EPB41L4A: variants seen among roughly 807,000 people sequenced by gnomAD.
EPB41L4A encodes the protein band 4.1-like protein 4A.
Under a neutral mutation model 108.6 loss-of-function variants are expected in EPB41L4A, and 100 were observed. The ratio of observed to expected loss-of-function variants is 0.92; its 90% CI spans 0.78 to 1.09. The LOEUF (loss-of-function observed/expected upper bound fraction) is 1.09, where lower values mean the gene tolerates loss of function less well. Ranked by LOEUF, EPB41L4A falls within the 50% of genes least tolerant of loss-of-function variation. The pLI is 0.00. For synonymous variants in EPB41L4A, 319 were observed against 289.0 expected (o/e 1.10, Z -1.05); for missense variants, 1,030 against 842.7 (o/e 1.22, Z -2.75).
chr5:112,256,795 T>C (rs967651084), intron 9 of EPB41L4A: 6 of 152,184 alleles, frequency 3.9e-5, no homozygotes, highest in Non-Finnish European at 7.4e-5. Flanking sequence ...AGCAACTGTA[T>C]CAAAATATTA....
At chr5:112,255,741 T>C (rs1751038644) in intron 9 of EPB41L4A, among the ~76,000 whole-genome samples, 1 of 152,184 alleles carries the variant, frequency 6.6e-6, no homozygotes, top group African/African-American at 2.4e-5. Flanking sequence ...GCCAATTTTA[T>C]ATATTCAAAT....
intron 1 of EPB41L4A, among the ~76,000 whole-genome samples, chr5:112,366,151 C>A (rs1012756784): frequency 2.6e-5 from 4 of 152,176 alleles, no homozygotes; most frequent in Non-Finnish European, 4.4e-5. Flanking sequence ...AGGCATCACT[C>A]AGCAGTCAGT....
intron 2 of EPB41L4A, among the ~76,000 whole-genome samples, chr5:112,281,276 C>T (rs1436016763): frequency 6.6e-6 from 1 of 152,194 alleles, no homozygotes; most frequent in African/African-American, 2.4e-5. Context: ...AACAGAATTT[C>T]AAGTGGTGGC....
intron 17 of EPB41L4A, among the ~76,000 whole-genome samples, chr5:112,193,022 G>A (rs1383657410): frequency 3.9e-5 from 6 of 152,208 alleles, no homozygotes; most frequent in Admixed American, 1.3e-4. Flanking sequence ...CCACATATGG[G>A]TTTTCAAAGA....
intron 1 of EPB41L4A, among the ~76,000 whole-genome samples, chr5:112,308,445 T>C (rs1561558280): frequency 6.6e-6 from 1 of 152,232 alleles, no homozygotes; most frequent in Non-Finnish European, 1.5e-5. Context: ...TTATTAAATG[T>C]ATTATAAAAT....
At chr5:112,289,927 T>C (rs961270893) in intron 2 of EPB41L4A, among the ~76,000 whole-genome samples, 10 of 152,350 alleles carry the variant, frequency 6.6e-5, no homozygotes, top group African/African-American at 1.9e-4. Flanking sequence ...TATCCAGACC[T>C]CTTTTATCTT....
intron 18 of EPB41L4A, among the ~76,000 whole-genome samples, chr5:112,176,770 T>A (rs1485580673): frequency 1.2e-4 from 15 of 125,576 alleles, no homozygotes; most frequent in African/African-American, 5.3e-4. Flanking sequence ...TTTTTTTTTT[T>A]TGAGATGGAG....
chr5:112,281,874 AACTAT>A (rs1385500962), intron 2 of EPB41L4A, among the ~76,000 whole-genome samples: 1 of 152,178 alleles, frequency 6.6e-6, no homozygotes, highest in Non-Finnish European at 1.5e-5. Context: ...AAGATTTTAT[AACTAT>A]ACTAAACTCT....
intron 22 of EPB41L4A, among the ~76,000 whole-genome samples, 186 bp downstream of exon 22, chr5:112,168,553 C>T (rs1221272082): frequency 6.6e-6 from 1 of 152,190 alleles, no homozygotes; most frequent in African/African-American, 2.4e-5. Flanking sequence ...CCAGATTGTG[C>T]CAGGGTTCTT....
chr5:112,244,666 G>T (rs1400112262), intron 9 of EPB41L4A, among the ~76,000 whole-genome samples: 1 of 152,182 alleles, frequency 6.6e-6, no homozygotes, highest in African/African-American at 2.4e-5. Context: ...TATGCAAATA[G>T]GCTTTCCAGT....
chr5:112,278,076 T>C (rs1387084474), intron 3 of EPB41L4A, among the ~76,000 whole-genome samples: 1 of 152,226 alleles, frequency 6.6e-6, no homozygotes, highest in Non-Finnish European at 1.5e-5. Flanking sequence ...ATAAGCATTC[T>C]GGTAACTAGC....
At chr5:112,175,411 G>A (rs960619389) in intron 18 of EPB41L4A, 1 of 152,116 alleles carries the variant, frequency 6.6e-6, no homozygotes, top group Non-Finnish European at 1.5e-5. Flanking sequence ...TCAGCTTAAC[G>A]CTTTTTAGTA....
chr5:112,265,884 C>G (rs1326641046), intron 5 of EPB41L4A, among the ~76,000 whole-genome samples: 1 of 152,168 alleles, frequency 6.6e-6, no homozygotes, highest in Non-Finnish European at 1.5e-5. Context: ...AATGCAGGAG[C>G]AATGGGATCT....
At chr5:112,359,987 C>T (rs1186571151) in intron 1 of EPB41L4A, among the ~76,000 whole-genome samples, 1 of 152,154 alleles carries the variant, frequency 6.6e-6, no homozygotes, top group East Asian at 1.9e-4. Flanking sequence ...CGTGTATGTG[C>T]TTTTTTCATT....
At chr5:112,262,700 C>G (rs930558639) in intron 6 of EPB41L4A, 119 bp from the exon 7 acceptor site, 6 of 821,824 alleles carry the variant, frequency 7.3e-6, no homozygotes, top group Non-Finnish European at 9.6e-6. Flanking sequence ...CTAATGCAAA[C>G]TTAAGTCCTT....
chr5:112,167,782 T>A (rs1760340780), intron 22 of EPB41L4A, among the ~76,000 whole-genome samples: 1 of 152,146 alleles, frequency 6.6e-6, no homozygotes. Context: ...AGATCTCCAT[T>A]TCAGAATCTA....
chr5:112,416,058 T>C (rs981664794), intron 1 of EPB41L4A, among the ~76,000 whole-genome samples: 18 of 150,968 alleles, frequency 1.2e-4, no homozygotes, highest in African/African-American at 4.5e-4. Flanking sequence ...CTGATATTCA[T>C]CTTACCATAT....
At chr5:112,313,440 A>G (rs938247387) in intron 1 of EPB41L4A, among the ~76,000 whole-genome samples, 23 of 151,928 alleles carry the variant, frequency 1.5e-4, no homozygotes, top group African/African-American at 5.6e-4. Flanking sequence ...AAATACAAAA[A>G]CTTAGCTGGG....
intron 1 of EPB41L4A, among the ~76,000 whole-genome samples, chr5:112,354,439 T>C (rs191369168): frequency 1.2e-4 from 18 of 152,206 alleles, no homozygotes; most frequent in East Asian, 1.2e-3. Context: ...CAAGAAAATA[T>C]AGACTCAGCT....
Sources: allele counts gnomAD v4.1 joint callset (sites outside exome capture counted in the v4.1 genomes callset), GRCh38; gene constraint gnomAD v4.1.1; transcripts MANE v1.5; gene names NCBI Gene and HGNC (gene_info 2026-07-23, HGNC 2026-07-21).